ANKS1B: variants seen among roughly 807,000 people sequenced by gnomAD.
ANKS1B encodes the protein ankyrin repeat and sterile alpha motif domain-containing protein 1B.
A neutral mutation model predicts 148.3 loss-of-function variants in ANKS1B; 36 were observed. That is an observed-to-expected ratio of 0.24 (90% CI 0.19 to 0.32). The LOEUF is 0.32. Among genes scored for constraint, ANKS1B ranks in the 10% least tolerant of loss-of-function variants. The pLI is 1.00. For synonymous variants in ANKS1B, 542 were observed against 560.8 expected (o/e 0.97, Z 0.47); for missense variants, 1,157 against 1,542.6 (o/e 0.75, Z 4.19).
At chr12:99,401,534 C>T (rs540157396) in intron 11 of ANKS1B, among the ~76,000 whole-genome samples, 1 of 146,678 alleles carries the variant, frequency 6.8e-6, no homozygotes, top group African/African-American at 2.6e-5. Context: ...ATGGTTCTAA[C>T]TGCTTTAAAA....
At chr12:98,815,212 C>T (rs977627199) in intron 19 of ANKS1B, among the ~76,000 whole-genome samples, 5 of 152,198 alleles carry the variant, frequency 3.3e-5, no homozygotes, top group African/African-American at 1.2e-4. Flanking sequence ...CAACATCACC[C>T]TCGGTTTCCT....
At chr12:99,059,804 T>A (rs866005122) in intron 16 of ANKS1B, among the ~76,000 whole-genome samples, 38 of 146,722 alleles carry the variant, frequency 2.6e-4, no homozygotes, top group African/African-American at 9.5e-4. Flanking sequence ...TATATATATA[T>A]ATGATAGGAC....
At chr12:99,244,138 G>GA (rs967757808) in intron 14 of ANKS1B, among the ~76,000 whole-genome samples, 60 of 151,710 alleles carry the variant, frequency 4.0e-4, no homozygotes, top group Non-Finnish European at 6.8e-4. Flanking sequence ...TAGCACATGG[G>GA]AAAAAATCCT....
chr12:99,123,792 C>A (rs970237498), intron 15 of ANKS1B, among the ~76,000 whole-genome samples: 3 of 152,166 alleles, frequency 2.0e-5, no homozygotes, highest in African/African-American at 7.2e-5. Flanking sequence ...CTGCTTTTAT[C>A]CCAGCCACAC....
chr12:98,782,027 T>G, intron 23 of ANKS1B, 99 bp downstream of exon 23: 1 of 1,041,390 alleles, frequency 9.6e-7, no homozygotes, highest in South Asian at 1.4e-5. Flanking sequence ...CCTTTCCTGT[T>G]TAGCTTTATC....
At chr12:99,037,773 T>C (rs1372203191) in intron 17 of ANKS1B, among the ~76,000 whole-genome samples, 3 of 152,152 alleles carry the variant, frequency 2.0e-5, no homozygotes, top group African/African-American at 7.2e-5. Flanking sequence ...GGGGAGCCAG[T>C]TGGAAATGAA....
chr12:99,792,422 A>C (rs2065770651), intron 4 of ANKS1B, among the ~76,000 whole-genome samples: 1 of 151,842 alleles, frequency 6.6e-6, no homozygotes, highest in Non-Finnish European at 1.5e-5. Context: ...ACTATACCCC[A>C]AGACACACCA....
At chr12:98,859,979 G>T (rs1302773612) in intron 17 of ANKS1B, among the ~76,000 whole-genome samples, 3 of 152,130 alleles carry the variant, frequency 2.0e-5, no homozygotes, top group Admixed American at 1.3e-4. Context: ...AAATTGAATT[G>T]ATTTTATAAG....
intron 17 of ANKS1B, among the ~76,000 whole-genome samples, chr12:98,934,554 G>C (rs1368078136): frequency 2.0e-5 from 3 of 152,072 alleles, no homozygotes; most frequent in Non-Finnish European, 2.9e-5. Context: ...AGATTGCTTT[G>C]AGAAGTATGA....
chr12:99,422,831 A>G (rs61561979), intron 11 of ANKS1B, among the ~76,000 whole-genome samples: 1 of 152,066 alleles, frequency 6.6e-6, no homozygotes, highest in Non-Finnish European at 1.5e-5. Context: ...TATTAAAGAG[A>G]TAAGAACAAA....
In ANKS1B at chr12:99,036,136, A is replaced by G. The variant is rs140161707; in HGVS notation, c.2778+17021T>C. Among the ~76,000 whole-genome samples the G allele has an allele frequency of 4.4e-3, 675 of 152,286 alleles. 8 individuals carry two copies. The highest frequency in any genetic ancestry group is 0.015 in the African/African-American group (635 of 41,560). On this transcript the variant is annotated intron_variant, in intron 17 of 26. Transcript: ENST00000683438. Reference sequence around the variant, plus strand: ...ACAGTGATTTTGAGGCAGGAGATACATGAGCGACTGCAGCAGCATAAGAAG... The same window carrying G: ...ACAGTGATTTTGAGGCAGGAGATACGTGAGCGACTGCAGCAGCATAAGAAG...
chr12:99,402,083 T>C (rs2094419904), intron 11 of ANKS1B, among the ~76,000 whole-genome samples: 1 of 146,498 alleles, frequency 6.8e-6, no homozygotes, highest in East Asian at 1.9e-4. Context: ...TTCTATGGAA[T>C]TGTTTCACAC....
chr12:99,784,052 T>G (rs1260398342), intron 4 of ANKS1B, among the ~76,000 whole-genome samples: 1 of 152,144 alleles, frequency 6.6e-6, no homozygotes, highest in Non-Finnish European at 1.5e-5. Flanking sequence ...AAAAATTTAA[T>G]GTGGCTTAAG....
intron 17 of ANKS1B, chr12:98,895,000 G>T: frequency 2.5e-6 from 2 of 816,102 alleles, no homozygotes; most frequent in South Asian, 5.4e-5. Flanking sequence ...CAGCGGCGGC[G>T]GCGGCGGCGC....
At chr12:99,635,196 G>A (rs1294269550) in intron 9 of ANKS1B, among the ~76,000 whole-genome samples, 1 of 152,124 alleles carries the variant, frequency 6.6e-6, no homozygotes, top group East Asian at 1.9e-4. Context: ...AAACAGCACT[G>A]CAGTTCCTCT....
At chr12:99,835,518 T>C (rs1240960824) in intron 1 of ANKS1B, among the ~76,000 whole-genome samples, 1 of 152,180 alleles carries the variant, frequency 6.6e-6, no homozygotes, top group African/African-American at 2.4e-5. Flanking sequence ...TGAAATTAGT[T>C]TGAATATATT....
intron 9 of ANKS1B, among the ~76,000 whole-genome samples, chr12:99,540,752 T>G (rs912291848): frequency 7.3e-5 from 11 of 150,628 alleles, no homozygotes; most frequent in Admixed American, 7.3e-4. Flanking sequence ...GAAAGAAATA[T>G]AAATTGAAAG....
intron 12 of ANKS1B, among the ~76,000 whole-genome samples, chr12:99,338,438 G>A (rs1444476254): frequency 6.6e-6 from 1 of 152,060 alleles, no homozygotes; most frequent in East Asian, 1.9e-4. Context: ...CTCCCCTCTG[G>A]CCCAGGGAAG....
intron 15 of ANKS1B, among the ~76,000 whole-genome samples, chr12:99,146,960 A>G (rs2073337891): frequency 6.6e-6 from 1 of 152,090 alleles, no homozygotes. Context: ...GCCCACGCCC[A>G]TTTATCTATG....
Sources: gnomAD v4.1 joint callset for allele counts (sites outside exome capture counted in the v4.1 genomes callset) on GRCh38, gnomAD v4.1.1 for gene constraint, MANE v1.5 for transcripts, NCBI Gene and HGNC (gene_info 2026-07-23, HGNC 2026-07-21) for gene names.